Variants in SETDB2 observed in about 807,000 individuals in gnomAD.
SETDB2 encodes the protein histone-lysine N-methyltransferase SETDB2.
Under a neutral mutation model 82.5 loss-of-function variants are expected in SETDB2, and 56 were observed. The ratio of observed to expected loss-of-function variants is 0.68; its 90% CI spans 0.55 to 0.85. The LOEUF (loss-of-function observed/expected upper bound fraction) is 0.85. Ranked by LOEUF, SETDB2 falls within the 40% of genes least tolerant of loss-of-function variation. The pLI is 0.00. For synonymous variants in SETDB2, 272 were observed against 284.9 expected, an observed-to-expected ratio of 0.95 and a Z score of 0.46; for missense variants, 677 against 816.4, an observed-to-expected ratio of 0.83 and a Z score of 2.08.
At chr13:49,473,551 CAAA>C (rs769808278) in intron 5 of SETDB2, among the ~76,000 whole-genome samples, 7 of 61,566 alleles carry the variant, frequency 1.1e-4, no homozygotes, top group Non-Finnish European at 1.4e-4. Context: ...ACCCTGTCTC[CAAA>C]AAAAAAAAAA....
At chr13:49,470,228 T>C (rs1446290064) in intron 5 of SETDB2, among the ~76,000 whole-genome samples, 1 of 152,198 alleles carries the variant, frequency 6.6e-6, no homozygotes, top group Non-Finnish European at 1.5e-5. Flanking sequence ...CCATCTCTCT[T>C]GTACTGTGTT....
intron 8 of SETDB2, 141 bp downstream of exon 8, chr13:49,481,257 T>C (rs1320480288): frequency 1.4e-6 from 1 of 694,062 alleles, no homozygotes; most frequent in Non-Finnish European, 2.3e-6. Context: ...GAAAGGCAGG[T>C]AAACTGGGAA....
Position 49,454,796 on chromosome 13 carries a change from G to A in SETDB2, c.16+2887G>A, listed in dbSNP as rs1215858430. ...TAGTTTCGGTGCCTTTAACATAGTT[G>A]TAATGTATGGATTGTTATACAGATC... On this transcript the variant is annotated intron_variant, in intron 2 of 13. Coordinates refer to ENST00000611815, the MANE Select transcript of SETDB2 (RefSeq NM_001160308.3). 2.6e-5 allele frequency among the ~76,000 whole-genome samples: 4 copies of A among 152,082 alleles called. No individual in the cohort carries two copies. In the East Asian group the frequency reaches 7.7e-4, roughly 29 times the overall value.
chr13:49,460,294 T>A, intron 3 of SETDB2, 62 bp downstream of exon 3: 1 of 1,495,194 alleles, frequency 6.7e-7, no homozygotes, highest in Non-Finnish European at 9.0e-7. Flanking sequence ...GACAGTACAG[T>A]ATCATTCTAT....
At chr13:49,451,478 C>CATATATATATATATAT (rs57949515) in intron 1 of SETDB2, 75 bp from the exon 2 acceptor site, 2 of 140,494 alleles carry the variant, frequency 1.4e-5, no homozygotes, top group African/African-American at 5.2e-5. Context: ...CTTATATATA[C>CATATATATATATATAT]ATATATATAT....
chr13:49,458,930 G>T (rs1479569861), intron 2 of SETDB2, among the ~76,000 whole-genome samples: 1 of 152,160 alleles, frequency 6.6e-6, no homozygotes, highest in Non-Finnish European at 1.5e-5. Flanking sequence ...CATATAAAAG[G>T]TGCTTAGCAT....
intron 11 of SETDB2, among the ~76,000 whole-genome samples, chr13:49,487,061 A>G (rs902173568): frequency 2.6e-5 from 4 of 152,200 alleles, no homozygotes; most frequent in Non-Finnish European, 5.9e-5. Context: ...ATTGACTGCT[A>G]CAATATATAT....
At chr13:49,479,931 T>A (rs922973199) in intron 6 of SETDB2, among the ~76,000 whole-genome samples, 1 of 152,202 alleles carries the variant, frequency 6.6e-6, no homozygotes, top group East Asian at 1.9e-4. Flanking sequence ...CAAGCTTCTG[T>A]GCTGAACAGG....
chr13:49,468,451 G>A (rs578124226), intron 5 of SETDB2, among the ~76,000 whole-genome samples: 11 of 151,866 alleles, frequency 7.2e-5, no homozygotes, highest in East Asian at 5.8e-4. Context: ...GGAGATGTGC[G>A]GAAGAGTGAA....
At chr13:49,491,325 A>T (rs1958707834) in intron 13 of SETDB2, among the ~76,000 whole-genome samples, 1 of 152,124 alleles carries the variant, frequency 6.6e-6, no homozygotes, top group Admixed American at 6.6e-5. Flanking sequence ...TGAAATTTTG[A>T]CTCTTATTCC....
intron 5 of SETDB2, among the ~76,000 whole-genome samples, chr13:49,475,170 T>C (rs1958330209): frequency 6.6e-6 from 1 of 152,158 alleles, no homozygotes; most frequent in African/African-American, 2.4e-5. Flanking sequence ...GCAAAGAGCT[T>C]GTGCAGGGAA....
intron 9 of SETDB2, 30 bp from the exon 10 acceptor site, chr13:49,483,434 G>T: frequency 1.1e-6 from 1 of 874,250 alleles, no homozygotes. Flanking sequence ...AATTTTTAGT[G>T]ATACAGAATA....
chr13:49,444,930 G>C (rs536025958), intron 1 of SETDB2, 73 bp downstream of exon 1: 1 of 152,342 alleles, frequency 6.6e-6, no homozygotes, highest in African/African-American at 2.4e-5. Context: ...AGATTAGATA[G>C]TAACACTTCT....
At chr13:49,471,374 C>A (rs1958237767) in intron 5 of SETDB2, among the ~76,000 whole-genome samples, 1 of 146,582 alleles carries the variant, frequency 6.8e-6, no homozygotes, top group Non-Finnish European at 1.5e-5. Flanking sequence ...AGTGATAATT[C>A]TTTTAAAAGG....
intron 8 of SETDB2, chr13:49,482,397 A>G: frequency 1.2e-6 from 1 of 835,430 alleles, no homozygotes; most frequent in Non-Finnish European, 1.4e-6. Context: ...TTAACTAGAC[A>G]TAAAAGCTAC....
intron 2 of SETDB2, among the ~76,000 whole-genome samples, chr13:49,452,110 C>CT (rs61091424): frequency 6.5e-4 from 95 of 146,574 alleles, no homozygotes; most frequent in South Asian, 2.4e-3. Flanking sequence ...TTTTTGTAAA[C>CT]TTTTTTTTTT....
intron 2 of SETDB2, among the ~76,000 whole-genome samples, chr13:49,454,869 T>A (rs1957851634): frequency 6.6e-6 from 1 of 151,088 alleles, no homozygotes; most frequent in African/African-American, 2.4e-5. Flanking sequence ...GGTTCTCAAT[T>A]TTTTTTTTGG....
intron 5 of SETDB2, among the ~76,000 whole-genome samples, chr13:49,473,434 C>T (rs1368141984): frequency 6.6e-6 from 1 of 151,558 alleles, no homozygotes; most frequent in Non-Finnish European, 1.5e-5. Context: ...GCCTTTCGTC[C>T]CAGCTACTCG....
chr13:49,454,248 AAAT>A (rs1400390901), intron 2 of SETDB2, among the ~76,000 whole-genome samples: 1 of 152,078 alleles, frequency 6.6e-6, no homozygotes, highest in African/African-American at 2.4e-5. Flanking sequence ...ACTTAAAAAA[AAAT>A]AATAATAGTA....
Sources: gnomAD v4.1 joint callset for allele counts (sites outside exome capture counted in the v4.1 genomes callset) on GRCh38, gnomAD v4.1.1 for gene constraint, MANE v1.5 for transcripts, NCBI Gene and HGNC (gene_info 2026-07-23, HGNC 2026-07-21) for gene names.